TRPC7: variants seen among roughly 807,000 people sequenced by gnomAD.
The protein encoded by TRPC7 is short transient receptor potential channel 7.
A neutral mutation model predicts 90.1 loss-of-function variants in TRPC7; 42 were observed. The ratio of observed to expected loss-of-function variants is 0.47; its 90% CI spans 0.36 to 0.60. The LOEUF (loss-of-function observed/expected upper bound fraction) is 0.60. Ranked by LOEUF, TRPC7 falls within the 20% of genes least tolerant of loss-of-function variation. TRPC7 has a pLI of 0.00. For synonymous variants in TRPC7, 451 were observed against 436.3 expected (o/e 1.03, Z -0.42); for missense variants, 955 against 1,112.3 (o/e 0.86, Z 2.01).
At chr5:136,348,564 C>T (rs1760084097) in intron 2 of TRPC7, among the ~76,000 whole-genome samples, 1 of 152,162 alleles carries the variant, frequency 6.6e-6, no homozygotes, top group Non-Finnish European at 1.5e-5. Context: ...TATCTTCTCC[C>T]CTTGACAATA....
rs1440786397 is a variant in TRPC7 at position 136,357,070 on chromosome 5, C to A, written c.318G>T (p.Val106=). 1 of 1,613,904 alleles carries A rather than the reference C, an allele frequency of 6.2e-7. No individual in the cohort carries two copies. The highest frequency in any genetic ancestry group is 8.5e-7 in the Non-Finnish European group (1 of 1,179,934). Residue 106 remains valine, a synonymous_variant, in exon 2 of 12, where the codon GTG becomes GTT. Transcript: ENST00000513104. The part of the protein sequence containing the change: ...LLLKKENLAR[V]GDALLLAISK... ...TGATGGCCAGCAGCAGCGCGTCCCC[C>A]ACCCGTGCCAGGTTCTCCTTCTTCA...
At chr5:136,307,783 T>C (rs1399641793) in intron 3 of TRPC7, among the ~76,000 whole-genome samples, 2 of 152,220 alleles carry the variant, frequency 1.3e-5, no homozygotes, top group Admixed American at 1.3e-4. Context: ...TGTTAAGGTG[T>C]CGGGCTTGAG....
Position 136,231,399 on chromosome 5 carries a change from G to C in TRPC7, c.1995C>G (p.Leu665=). Residue 665 remains leucine (L), a synonymous_variant, in exon 8 of 12, where the codon CTC becomes CTG. Transcript: ENST00000513104. ...TGTTTATCATGGCTATTAGCATGTT[G>C]AGCAACACTACCACCATGGTGACGT... ...VYNVTMVVVL[L]NMLIAMINNS... 6.2e-7 allele frequency: 1 copy of C among 1,609,500 alleles called. No individual in the cohort carries two copies.
chr5:136,323,259 A>G (rs1759252049), intron 2 of TRPC7, among the ~76,000 whole-genome samples: 1 of 152,208 alleles, frequency 6.6e-6, no homozygotes, highest in South Asian at 2.1e-4. Flanking sequence ...GCCATGTGGA[A>G]CTGTGAGTTT....
At chr5:136,221,113 CTGTG>C (rs34373112) in intron 10 of TRPC7, among the ~76,000 whole-genome samples, 14 of 148,782 alleles carry the variant, frequency 9.4e-5, no homozygotes, top group Non-Finnish European at 1.9e-4. Context: ...GTGTATGTGT[CTGTG>C]TGTGTGTGTG....
At chr5:136,360,567 C>G (rs533227462) in intron 1 of TRPC7, among the ~76,000 whole-genome samples, 45 of 152,300 alleles carry the variant, frequency 3.0e-4, no homozygotes, top group African/African-American at 1.0e-3. Context: ...AAAGCAGACA[C>G]CCAGATGTAG....
rs1760686303 is a variant in TRPC7, at chr5:136,365,271, A to C, written c.-17T>G. 6.5e-7 allele frequency: 1 copy of C among 1,537,072 alleles called. No homozygotes were observed. The highest frequency in any genetic ancestry group is 8.7e-7 in the Non-Finnish European group (1 of 1,146,876). On this transcript the variant is annotated 5_prime_UTR_variant, in exon 1 of 12. Transcript: ENST00000513104. ...TGCTTACATTGAGGGTGTAATACGC[A>C]GGCTTGTTCCTCCTCTAGATGACCG...
At chr5:136,234,652 C>G (rs187291832) in intron 7 of TRPC7, among the ~76,000 whole-genome samples, 2 of 152,134 alleles carry the variant, frequency 1.3e-5, no homozygotes, top group African/African-American at 4.8e-5. Context: ...TGTTAAGGCC[C>G]TTGCTTTCTC....
rs145448224 is a variant in TRPC7 at position 136,271,773 on chromosome 5, T to G, written c.1128+2900A>C. Among the ~76,000 whole-genome samples the G allele has an allele frequency of 1.3e-3, 205 of 152,328 alleles. 1 individual carries two copies. The highest frequency in any genetic ancestry group is 4.8e-3 in the African/African-American group (200 of 41,568). ...GCATTTATCATTATACGTAGCCATC[T>G]GTGACTTGGTTATCCTCTTCAACCA... On this transcript the variant is annotated intron_variant, in intron 4 of 11. Transcript: ENST00000513104.
chr5:136,228,635 G>A (rs115141919), intron 8 of TRPC7, among the ~76,000 whole-genome samples: 2,126 of 151,964 alleles, frequency 0.014, 42 homozygotes, highest in African/African-American at 0.042. Context: ...GGGCTGGGGT[G>A]GGGGGAGTTG....
chr5:136,310,068 G>T (rs1422068295), intron 3 of TRPC7, among the ~76,000 whole-genome samples: 1 of 152,114 alleles, frequency 6.6e-6, no homozygotes, highest in East Asian at 1.9e-4. Flanking sequence ...TCCCCTGCCT[G>T]CATCCTTACA....
At chr5:136,347,161 T>C (rs953591171) in intron 2 of TRPC7, among the ~76,000 whole-genome samples, 41 of 152,222 alleles carry the variant, frequency 2.7e-4, no homozygotes, top group African/African-American at 9.9e-4. Flanking sequence ...ATACCTTGAC[T>C]TTGGACCTCT....
intron 5 of TRPC7, among the ~76,000 whole-genome samples, chr5:136,253,741 A>T (rs1580866736): frequency 1.3e-5 from 2 of 152,188 alleles, no homozygotes; most frequent in East Asian, 3.8e-4. Context: ...ATATTAGGCC[A>T]ATTAATAGTT....
rs190703963 is a variant in TRPC7 at position 136,321,460 on chromosome 5, A to T, written c.781-5681T>A. 3.7e-4 allele frequency among the ~76,000 whole-genome samples: 56 copies of T among 152,330 alleles called. 1 individual carries two copies. Among genetic ancestry groups the T allele is most frequent in the Non-Finnish European group, 5.9e-5 (4 of 68,024 alleles). ...GGAGAAAGCCATTTAACTCTTACGC[A>T]TCGCAGCTTTCCATCTGTACTAAGG... is the stretch of plus-strand genomic sequence containing the variant. On this transcript the variant is annotated intron_variant, in intron 2 of 11. Transcript: ENST00000513104.
chr5:136,274,910 C>CACCT (rs1580888818), intron 3 of TRPC7, 73 bp from the exon 4 acceptor site: 1 of 1,490,812 alleles, frequency 6.7e-7, no homozygotes, highest in East Asian at 2.5e-5. Flanking sequence ...GAACAGTATA[C>CACCT]AACCTAGGAG....
chr5:136,221,885 A>T (rs765755249), intron 10 of TRPC7, among the ~76,000 whole-genome samples: 3 of 152,160 alleles, frequency 2.0e-5, no homozygotes, highest in African/African-American at 7.2e-5. Context: ...TCTATGGTTT[A>T]TTTGGGATAT....
At chr5:136,232,428 C>T (rs1755848405) in intron 7 of TRPC7, among the ~76,000 whole-genome samples, 1 of 152,164 alleles carries the variant, frequency 6.6e-6, no homozygotes, top group African/African-American at 2.4e-5. Flanking sequence ...AGAGCTGAGG[C>T]TAGCCACATG....
chr5:136,220,286 T>C (rs370771712), intron 10 of TRPC7, among the ~76,000 whole-genome samples: 1 of 152,214 alleles, frequency 6.6e-6, no homozygotes, highest in South Asian at 2.1e-4. Context: ...AATAGAGCCA[T>C]ATTTTTCTTC....
chr5:136,259,829 C>T (rs1317896760), intron 5 of TRPC7, among the ~76,000 whole-genome samples: 1 of 152,156 alleles, frequency 6.6e-6, no homozygotes, highest in African/African-American at 2.4e-5. Flanking sequence ...CAAATTTGTC[C>T]CTCCTTCCTC....
Sources: allele counts gnomAD v4.1 joint callset (sites outside exome capture counted in the v4.1 genomes callset), GRCh38; gene constraint gnomAD v4.1.1; transcripts MANE v1.5; gene names NCBI Gene and HGNC (gene_info 2026-07-23, HGNC 2026-07-21).